The following VPS16 variants were observed in gnomAD, a reference collection of about 807,000 sequenced individuals.
VPS16 encodes the protein VPS16 core subunit of CORVET and HOPS complexes.
VPS16 carries 82 observed loss-of-function variants against 116.0 expected under a neutral mutation model. The observed-to-expected ratio is 0.71, with a 90% confidence interval of 0.59 to 0.85. The LOEUF (loss-of-function observed/expected upper bound fraction) is 0.85. Ranked by LOEUF, VPS16 falls within the 40% of genes least tolerant of loss-of-function variation. The probability of loss-of-function intolerance (pLI) is 0.00; values close to 1 mark genes in which losing one functional copy is unlikely to be tolerated. For synonymous variants in VPS16, 406 were observed against 420.7 expected (o/e 0.96, Z 0.43); for missense variants, 928 against 1,090.6 (o/e 0.85, Z 2.10).
At chr20:2,848,954 C>T (rs539154845) in intron 1 of VPS16, among the ~76,000 whole-genome samples, 77 of 152,266 alleles carry the variant, frequency 5.1e-4, no homozygotes, top group African/African-American at 1.5e-3. Context: ...CACGTATTGT[C>T]TTTGCTATTG....
rs764723855 is a variant in VPS16, at chr20:2,865,021, C to T, written c.1970C>T (p.Ala657Val). 37 of 1,614,028 alleles carry T rather than the reference C, an allele frequency of 2.3e-5. No homozygotes were observed. The South Asian group carries it at 4.1e-4, about 18-fold the overall frequency. The change falls in exon 20 of 24, where the codon GCC becomes GTC. Residue 657 changes from alanine to valine, a missense_variant. Coordinates refer to ENST00000380445, the MANE Select transcript of VPS16 (RefSeq NM_022575.4). The surrounding 1 kb of genome is among the most constrained non-coding windows in gnomAD (Gnocchi z 5.2). Reference sequence around the variant, plus strand: ...GCAGCTCTGCAGACAGCCGCCGATGCCTTCTACAAGGCCAAGAATGAGTTT... The same window carrying T: ...GCAGCTCTGCAGACAGCCGCCGATGTCTTCTACAAGGCCAAGAATGAGTTT... The part of the protein sequence containing the change: ...RVAALQTAAD[A>V]FYKAKNEFAA...
intron 1 of VPS16, among the ~76,000 whole-genome samples, chr20:2,852,988 G>C (rs6138914): frequency 6.6e-6 from 1 of 152,156 alleles, no homozygotes; most frequent in Non-Finnish European, 1.5e-5. Flanking sequence ...TTCAAAATTG[G>C]AGTTAATCCT....
Position 2,863,897 on chromosome 20 carries a change from G to A in VPS16, c.1477-52G>A, listed in dbSNP as rs2089278966. 6.3e-6 allele frequency: 10 copies of A among 1,596,536 alleles called. No homozygotes were observed. The highest frequency in any genetic ancestry group is 6.0e-6 in the Non-Finnish European group (7 of 1,168,694). ...GTGGGTCCTAAGGGCTTGCAGGAGT[G>A]GAGAGTGAGGAATGGCATCCAGATG... On this transcript the variant is annotated intron_variant, in intron 15 of 23. Transcript: ENST00000380445. This position sits in a 1 kb window ranked among gnomAD's most constrained non-coding sequence, Gnocchi z 4.4.
At chr20:2,857,774 G>A (rs1183199596) in intron 1 of VPS16, among the ~76,000 whole-genome samples, 1 of 147,428 alleles carries the variant, frequency 6.8e-6, no homozygotes, top group African/African-American at 2.5e-5. Context: ...GCAGTGGCAT[G>A]ATCCTGGCTC....
At chr20:2,854,833 TCACTCTTTCC>T (rs2089156554) in intron 1 of VPS16, among the ~76,000 whole-genome samples, 5 of 151,252 alleles carry the variant, frequency 3.3e-5, no homozygotes, top group African/African-American at 1.2e-4. Flanking sequence ...AAAATTGAAA[TCACTCTTTCC>T]TTGATCCATG....
intron 11 of VPS16, 22 bp downstream of exon 11, chr20:2,862,152 C>G: frequency 6.2e-7 from 1 of 1,608,646 alleles, no homozygotes; most frequent in Non-Finnish European, 8.5e-7. Context: ...GGCTTCTCTC[C>G]CAGTCCCAGA....
chr20:2,846,575 G>C (rs1884222636), intron 1 of VPS16, among the ~76,000 whole-genome samples: 1 of 152,158 alleles, frequency 6.6e-6, no homozygotes, highest in Admixed American at 6.5e-5. Flanking sequence ...ATGTTTTTGA[G>C]ACAGGCTGGA....
In VPS16 at chr20:2,859,630, C is replaced by T. The variant is rs78575945; in HGVS notation, c.54-89C>T. On this transcript the variant is annotated intron_variant, in intron 1 of 23. Coordinates refer to ENST00000380445, the MANE Select transcript of VPS16 (RefSeq NM_022575.4). Reference sequence around the variant, plus strand: ...ACTTCCTCTACAGCCTTGTGGAAGACAAATGGAGGCTTTAGGAATTCCTCT... The same window carrying T: ...ACTTCCTCTACAGCCTTGTGGAAGATAAATGGAGGCTTTAGGAATTCCTCT... 5.0e-3 allele frequency: 7,185 copies of T among 1,430,370 alleles called. 136 individuals carry two copies. The highest frequency in any genetic ancestry group is 0.036 in the Admixed American group (1,955 of 54,276). The allele number at this position is 1,430,370 out of a possible 1,614,324, so 88.6% of individuals were successfully genotyped here. A position where few individuals can be genotyped will look rare whatever the true frequency, so the allele number is the denominator to read the frequency against.
Position 2,863,817 on chromosome 20 carries a change from GAA to G in VPS16, c.1477-130_1477-129del. 5 of 1,235,724 alleles carry G rather than the reference GAA, an allele frequency of 4.0e-6. No homozygotes were observed. The South Asian group carries it at 7.5e-5, about 19-fold the overall frequency. 76.5% of individuals were successfully genotyped at this position (1,235,724 alleles called of 1,614,324 possible). Reference sequence around the variant, plus strand: ...GGAGGAGGGAAAGAGAGAGAAAGAAGAAAGAGAGAAAGAAAGAAAGAAGAAGG... The same window carrying G: ...GGAGGAGGGAAAGAGAGAGAAAGAAGAGAGAGAAAGAAAGAAAGAAGAAGG... On this transcript the variant is annotated intron_variant, in intron 15 of 23. Transcript: ENST00000380445. This position sits in a 1 kb window ranked among gnomAD's most constrained non-coding sequence, Gnocchi z 4.4.
intron 1 of VPS16, among the ~76,000 whole-genome samples, chr20:2,844,070 T>G (rs923352635): frequency 2.0e-5 from 3 of 152,208 alleles, no homozygotes; most frequent in Admixed American, 2.0e-4. Context: ...ACACAGCTAT[T>G]GAGTAGTGGA....
At chr20:2,859,431 A>C (rs1306340963) in intron 1 of VPS16, among the ~76,000 whole-genome samples, 1 of 152,222 alleles carries the variant, frequency 6.6e-6, no homozygotes, top group East Asian at 1.9e-4. Flanking sequence ...TTGGCCACGC[A>C]GCCTGCCTGG....
In VPS16 at chr20:2,861,675, G is replaced by T; in HGVS notation, c.870G>T (p.Met290Ile). The T allele has an allele frequency of 6.2e-7, 1 of 1,613,286 alleles. No individual in the cohort carries two copies. ...TGGTGGCCTGGGAAAGGCGGCTGAT[G>T]GTGGTGGGCGATGCACCCGAGAGCA... ...AVVVAWERRLMVVGDAPESIQ... is the reference protein window; with the variant it reads ...AVVVAWERRLIVVGDAPESIQ... The change falls in exon 9 of 24, where the codon ATG becomes ATT. Residue 290 changes from methionine to isoleucine, a missense_variant. Physicochemically the swap from Met to Ile is conservative, Grantham distance 10 (BLOSUM62 1). Coordinates refer to ENST00000380445, the MANE Select transcript of VPS16 (RefSeq NM_022575.4).
At chr20:2,844,858 G>T (rs2089042335) in intron 1 of VPS16, among the ~76,000 whole-genome samples, 1 of 152,140 alleles carries the variant, frequency 6.6e-6, no homozygotes, top group South Asian at 2.1e-4. Flanking sequence ...AGTGCTGTAG[G>T]CAACAAGAAC....
chr20:2,862,958 G>A, intron 13 of VPS16, 24 bp downstream of exon 13: 1 of 1,613,698 alleles, frequency 6.2e-7, no homozygotes, highest in South Asian at 1.1e-5. Context: ...CGCCAGAAGG[G>A]TACCCTACAG....
At chr20:2,852,256 A>T (rs1162165686) in intron 1 of VPS16, among the ~76,000 whole-genome samples, 2 of 152,148 alleles carry the variant, frequency 1.3e-5, no homozygotes, top group African/African-American at 4.8e-5. Context: ...CCCTGGAAGC[A>T]CAGGAGGGCC....
rs201932313 is a variant in VPS16 at position 2,863,371 on chromosome 20, G to C, written c.1449G>C (p.Arg483Ser). The stretch of plus-strand genomic sequence containing the variant: ...TTCCTGAAGTACAGGGCGTCAGCAG[G>C]ATCCTGGCCCACTGGGCCTGCTACA... ...LRLPEVQGVS[R>S]ILAHWACYKV... is the part of the protein sequence containing the mutation. Residue 483 changes from arginine (R) to serine (S), a missense_variant, in exon 15 of 24, where the codon AGG becomes AGC. Physicochemically the swap from Arg to Ser is moderately radical, Grantham distance 110. Coordinates refer to ENST00000380445, the MANE Select transcript of VPS16 (RefSeq NM_022575.4). This position sits in a 1 kb window ranked among gnomAD's most constrained non-coding sequence, Gnocchi z 4.4. 101 of 1,614,112 alleles carry C rather than the reference G, an allele frequency of 6.3e-5. No individual in the cohort carries two copies. Among genetic ancestry groups the C allele is most frequent in the Non-Finnish European group, 7.7e-5 (91 of 1,180,046 alleles).
At chr20:2,854,265 A>ACACAC (rs375390884) in intron 1 of VPS16, among the ~76,000 whole-genome samples, 1 of 148,894 alleles carries the variant, frequency 6.7e-6, no homozygotes, top group Non-Finnish European at 1.5e-5. Flanking sequence ...ACACACACAC[A>ACACAC]AATTTTTTAG....
In VPS16 at chr20:2,860,657, C is replaced by T. The variant is rs2089218174; in HGVS notation, c.514+64C>T. 6.2e-7 allele frequency: 1 copy of T among 1,609,682 alleles called. No homozygotes were observed. Among genetic ancestry groups the T allele is most frequent in the African/African-American group, 1.3e-5 (1 of 74,778 alleles). ...ACAGATGTGCCTCTAGCCTGTGAGA[C>T]CCATAAAAACAGAAGCTGTGGCTAG... is the stretch of plus-strand genomic sequence containing the variant. On this transcript the variant is annotated intron_variant, in intron 5 of 23. Coordinates refer to ENST00000380445, the MANE Select transcript of VPS16 (RefSeq NM_022575.4). The surrounding 1 kb of genome is among the most constrained non-coding windows in gnomAD (Gnocchi z 6.1).
At position 2,864,770 on chromosome 20, in the gene VPS16, T is replaced by G. The variant is rs1443383105; in HGVS notation, c.1926+116T>G. ...GGTGCACACTCCATCTGGTCCTCAC[T>G]GTGAGGGAGACTCTGACGTGAGGCC... On this transcript the variant is annotated intron_variant, in intron 19 of 23. Coordinates refer to ENST00000380445, the MANE Select transcript of VPS16 (RefSeq NM_022575.4). This position sits in a 1 kb window ranked among gnomAD's most constrained non-coding sequence, Gnocchi z 5.2. 7 of 1,226,938 alleles carry G rather than the reference T, an allele frequency of 5.7e-6. No homozygotes were observed. In the East Asian group the frequency reaches 1.7e-4, roughly 29 times the overall value. 76.0% of individuals were successfully genotyped at this position (1,226,938 alleles called of 1,614,324 possible).
Sources: gnomAD v4.1 joint callset for allele counts (sites outside exome capture counted in the v4.1 genomes callset) on GRCh38, gnomAD v4.1.1 for gene constraint, Gnocchi (gnomAD v3.1) non-coding constraint, MANE v1.5 for transcripts, NCBI Gene and HGNC (gene_info 2026-07-23, HGNC 2026-07-21) for gene names.